Variants in SLC25A21 observed in about 807,000 individuals in gnomAD.
The protein encoded by SLC25A21 is mitochondrial 2-oxodicarboxylate carrier.
A neutral mutation model predicts 43.8 loss-of-function variants in SLC25A21; 47 were observed. That is an observed-to-expected ratio of 1.07 (90% CI 0.85 to 1.37). The LOEUF (loss-of-function observed/expected upper bound fraction) is 1.37. SLC25A21 is among the 40% of genes most tolerant of loss of function. The pLI, the probability that SLC25A21 is intolerant of heterozygous loss-of-function variation, is 0.00. For synonymous variants in SLC25A21, 131 were observed against 121.3 expected (o/e 1.08, Z -0.52); for missense variants, 352 against 350.2 (o/e 1.00, Z -0.04).
intron 1 of SLC25A21, among the ~76,000 whole-genome samples, chr14:37,127,611 T>C (rs569738909): frequency 1.3e-5 from 2 of 152,362 alleles, no homozygotes; most frequent in East Asian, 3.9e-4. Flanking sequence ...TTGTTCTTTC[T>C]TACTTGTATA....
chr14:36,774,476 T>C (rs769979341), intron 3 of SLC25A21, among the ~76,000 whole-genome samples: 1 of 152,220 alleles, frequency 6.6e-6, no homozygotes, highest in Non-Finnish European at 1.5e-5. Context: ...AACTGATAGA[T>C]CGTTAGGTAG....
intron 7 of SLC25A21, among the ~76,000 whole-genome samples, chr14:36,696,118 G>C (rs1475198662): frequency 6.6e-6 from 1 of 152,148 alleles, no homozygotes; most frequent in Non-Finnish European, 1.5e-5. Context: ...TTAGCATGAA[G>C]GGCTGTTGAA....
rs752166292 is a variant in SLC25A21 at position 37,172,569 on chromosome 14, G to A, written c.-219C>T. ...GGAACCTGTTCGCAGCGCTCTCGCA[G>A]AGGCGCCCTCGGCTCCGAAAATGTC... On this transcript the variant is annotated 5_prime_UTR_variant, in exon 1 of 10. Transcript: ENST00000331299. 4.3e-6 allele frequency: 3 copies of A among 705,084 alleles called. No individual in the cohort carries two copies. Among genetic ancestry groups the A allele is most frequent in the South Asian group, 3.0e-5 (2 of 66,834 alleles). 43.7% of individuals were successfully genotyped at this position (705,084 alleles called of 1,614,324 possible).
intron 3 of SLC25A21, among the ~76,000 whole-genome samples, chr14:36,776,494 A>G (rs1594578044): frequency 1.3e-5 from 2 of 151,786 alleles, no homozygotes; most frequent in African/African-American, 4.8e-5. Flanking sequence ...CGCCTCGGCT[A>G]GGATTACAAA....
Position 36,678,758 on chromosome 14 carries a change from C to A in SLC25A21, c.*1900G>T. Reference sequence around the variant, plus strand: ...TGCTATTTATAATTTTTTTCTGGTTCTTGTATTTTAAAAAATCTAATATTA... The same window carrying A: ...TGCTATTTATAATTTTTTTCTGGTTATTGTATTTTAAAAAATCTAATATTA... On this transcript the variant is annotated 3_prime_UTR_variant, in exon 10 of 10. Transcript: ENST00000331299. 9.0e-7 allele frequency: 1 copy of A among 1,108,664 alleles called. No individual in the cohort carries two copies. Among genetic ancestry groups the A allele is most frequent in the Non-Finnish European group, 1.1e-6 (1 of 902,600 alleles). The allele number at this position is 1,108,664 out of a possible 1,614,324, so 68.7% of individuals were successfully genotyped here.
rs544355387 is a variant in SLC25A21 at position 36,996,203 on chromosome 14, T to C, written c.71-121199A>G. 1.4e-4 allele frequency among the ~76,000 whole-genome samples: 22 copies of C among 152,254 alleles called. No individual in the cohort carries two copies. The South Asian group carries it at 4.1e-3, about 29-fold the overall frequency. ...ATGCCCTCATTAATAGTATAAATGA[T>C]TGTATCTAATATTCAGCTAACTTTC... On this transcript the variant is annotated intron_variant, in intron 1 of 9. Transcript: ENST00000331299.
chr14:37,130,475 T>C (rs1451208037), intron 1 of SLC25A21, among the ~76,000 whole-genome samples: 2 of 152,222 alleles, frequency 1.3e-5, no homozygotes, highest in Non-Finnish European at 1.5e-5. Context: ...CATCCTGTGA[T>C]TGTTTTTTAA....
intron 6 of SLC25A21, among the ~76,000 whole-genome samples, chr14:36,715,981 C>G (rs1278622288): frequency 6.6e-6 from 1 of 152,044 alleles, no homozygotes; most frequent in South Asian, 2.1e-4. Flanking sequence ...GTCCCAGCTA[C>G]TTGGGAGGCT....
chr14:37,085,720 A>C (rs905612159), intron 1 of SLC25A21, among the ~76,000 whole-genome samples: 3 of 151,820 alleles, frequency 2.0e-5, no homozygotes, highest in Admixed American at 6.6e-5. Context: ...ATTATCCCAG[A>C]ATTAATTATT....
At chr14:37,120,327 T>C (rs540985836) in intron 1 of SLC25A21, among the ~76,000 whole-genome samples, 50 of 152,352 alleles carry the variant, frequency 3.3e-4, no homozygotes, top group Non-Finnish European at 5.6e-4. Flanking sequence ...GCATATATTG[T>C]ACATGTGTGT....
At position 37,172,398 on chromosome 14, in the gene SLC25A21, G is replaced by A; in HGVS notation, c.-48C>T. ...GGAGTGGGCTGAGATGCGTCAACGA[G>A]CTCGCAGCCTGCACAGCCTACTGAT... On this transcript the variant is annotated 5_prime_UTR_variant, in exon 1 of 10. Coordinates refer to ENST00000331299, the MANE Select transcript of SLC25A21 (RefSeq NM_030631.4). 2 of 1,539,610 alleles carry A rather than the reference G, an allele frequency of 1.3e-6. No individual in the cohort carries two copies. The highest frequency in any genetic ancestry group is 8.8e-7 in the Non-Finnish European group (1 of 1,132,096).
chr14:36,913,837 T>C (rs1891756081), intron 1 of SLC25A21, among the ~76,000 whole-genome samples: 2 of 152,210 alleles, frequency 1.3e-5, no homozygotes, highest in Non-Finnish European at 2.9e-5. Flanking sequence ...CTTTCATAGA[T>C]GTAGAAATTC....
chr14:36,964,445 C>G (rs888658159), intron 1 of SLC25A21, among the ~76,000 whole-genome samples: 15 of 152,150 alleles, frequency 9.9e-5, no homozygotes, highest in African/African-American at 3.4e-4. Context: ...CAGGGTGGAA[C>G]AGTCAAACTA....
chr14:37,102,894 A>G (rs1333780068), intron 1 of SLC25A21, among the ~76,000 whole-genome samples: 1 of 151,922 alleles, frequency 6.6e-6, no homozygotes, highest in Non-Finnish European at 1.5e-5. Context: ...CTGAGGCAGG[A>G]GAATCGCTTG....
At chr14:36,994,442 G>T (rs1373499723) in intron 1 of SLC25A21, among the ~76,000 whole-genome samples, 2 of 152,124 alleles carry the variant, frequency 1.3e-5, no homozygotes, top group Non-Finnish European at 2.9e-5. Flanking sequence ...TCAATAAATG[G>T]CTGGAAAATG....
chr14:37,080,310 C>A (rs992581025), intron 1 of SLC25A21, among the ~76,000 whole-genome samples: 1 of 152,184 alleles, frequency 6.6e-6, no homozygotes, highest in Non-Finnish European at 1.5e-5. Flanking sequence ...TAACCACTCA[C>A]GGCCAAGAGC....
At chr14:36,814,571 C>T (rs1425867943) in intron 2 of SLC25A21, among the ~76,000 whole-genome samples, 5 of 152,156 alleles carry the variant, frequency 3.3e-5, no homozygotes, top group Admixed American at 2.6e-4. Context: ...TGAAAAAATC[C>T]TCATCATCAC....
rs1276444196 is a variant in SLC25A21, at chr14:36,896,033, T to A, written c.71-21029A>T. Among the ~76,000 whole-genome samples, 11 of 152,042 alleles carry A rather than the reference T, an allele frequency of 7.2e-5. No homozygotes were observed. The South Asian group carries it at 8.3e-4, about 12-fold the overall frequency. ...TATATTCTGTTGATTTGGGGTGGAGTGTTCTGTAGATGTCTATTAGGTCTG... is the reference window on the plus strand; with the variant it reads ...TATATTCTGTTGATTTGGGGTGGAGAGTTCTGTAGATGTCTATTAGGTCTG... On this transcript the variant is annotated intron_variant, in intron 1 of 9. Transcript: ENST00000331299.
At chr14:37,009,280 G>A (rs1032406619) in intron 1 of SLC25A21, among the ~76,000 whole-genome samples, 5 of 152,278 alleles carry the variant, frequency 3.3e-5, no homozygotes, top group Admixed American at 6.5e-5. Flanking sequence ...ATGAGGTCAG[G>A]AGTTTGAGAC....
Sources: allele counts gnomAD v4.1 joint callset (sites outside exome capture counted in the v4.1 genomes callset), GRCh38; gene constraint gnomAD v4.1.1; transcripts MANE v1.5; gene names NCBI Gene and HGNC (gene_info 2026-07-23, HGNC 2026-07-21).